The following TRIM55 variants were observed in gnomAD, a reference collection of about 807,000 sequenced individuals.
The protein encoded by TRIM55 is tripartite motif containing 55.
Under a neutral mutation model 60.9 loss-of-function variants are expected in TRIM55, and 50 were observed. That is an observed-to-expected ratio of 0.82 (90% confidence interval 0.65 to 1.04). TRIM55 has a LOEUF of 1.04. Among genes scored for constraint, TRIM55 ranks in the 50% least tolerant of loss-of-function variants. The pLI is 0.00. For missense variants in TRIM55, 681 were observed against 666.9 expected (o/e 1.02, Z -0.23); for synonymous variants, 237 against 238.1 (o/e 1.00, Z 0.04).
intron 9 of TRIM55, 143 bp downstream of exon 9, chr8:66,154,477 C>T (rs1810630979): frequency 1.1e-6 from 1 of 903,140 alleles, no homozygotes; most frequent in Non-Finnish European, 1.7e-6. Flanking sequence ...AATTCATCCC[C>T]CAATGTTGGC....
chr8:66,133,913 A>G (rs1309429594), intron 2 of TRIM55, among the ~76,000 whole-genome samples: 6 of 152,170 alleles, frequency 3.9e-5, no homozygotes, highest in East Asian at 1.9e-4. Flanking sequence ...ACACACACAT[A>G]TGTATATACA....
chr8:66,113,971 G>A, the TRIM55 span, among the ~76,000 whole-genome samples: 1,779 of 152,042 alleles, frequency 0.012, 31 homozygotes, highest in African/African-American at 0.039. Flanking sequence ...GCGGCACCCG[G>A]GAAGCTGTGC....
chr8:66,165,882 G>A (rs758246189), intron 9 of TRIM55, among the ~76,000 whole-genome samples: 13 of 152,042 alleles, frequency 8.6e-5, no homozygotes, highest in Non-Finnish European at 1.8e-4. Flanking sequence ...AAGTTTGAAT[G>A]AGACCTTTAC....
intron 1 of TRIM55, 31 bp from the exon 2 acceptor site, chr8:66,128,273 C>T (rs374101872): frequency 6.4e-7 from 1 of 1,551,670 alleles, no homozygotes; most frequent in South Asian, 1.2e-5. Context: ...TGGCATTACC[C>T]AATTCCTTTT....
chr8:66,126,985 T>C (rs1808843461), upstream of TRIM55: 1 of 307,302 alleles, frequency 3.3e-6, no homozygotes, highest in South Asian at 7.1e-5. Context: ...CCCACTCTCT[T>C]CACTCCCTGG....
At chr8:66,174,221 T>C (rs1811795348) in intron 9 of TRIM55, among the ~76,000 whole-genome samples, 1 of 151,776 alleles carries the variant, frequency 6.6e-6, no homozygotes, top group Non-Finnish European at 1.5e-5. Flanking sequence ...CAAGAACTTC[T>C]CTCCACTGCA....
intron 4 of TRIM55, among the ~76,000 whole-genome samples, chr8:66,140,900 C>T (rs1586193319): frequency 6.6e-6 from 1 of 152,278 alleles, no homozygotes; most frequent in African/African-American, 2.4e-5. Context: ...ATTCTCTTTT[C>T]TGATTGGTGA....
At chr8:66,159,068 T>A (rs1294072993) in intron 9 of TRIM55, among the ~76,000 whole-genome samples, 1 of 152,246 alleles carries the variant, frequency 6.6e-6, no homozygotes, top group Non-Finnish European at 1.5e-5. Flanking sequence ...AATTTACCCA[T>A]TTTAAGTGTA....
the TRIM55 span, among the ~76,000 whole-genome samples, chr8:66,114,313 G>A: frequency 6.6e-6 from 1 of 152,086 alleles, no homozygotes; most frequent in African/African-American, 2.4e-5. Flanking sequence ...GCCCAAACTA[G>A]AGCTGAAAAG....
At chr8:66,135,912 C>G (rs2128974901) in intron 3 of TRIM55, among the ~76,000 whole-genome samples, 1 of 152,240 alleles carries the variant, frequency 6.6e-6, no homozygotes, top group Non-Finnish European at 1.5e-5. Context: ...ATAGGTGCAG[C>G]CACTCCAGGC....
upstream of TRIM55, among the ~76,000 whole-genome samples, chr8:66,123,566 AAGAG>A (rs1214247592): frequency 6.6e-6 from 1 of 152,236 alleles, no homozygotes; most frequent in Non-Finnish European, 1.5e-5. Context: ...GAGAAAAAAA[AAGAG>A]AGAGAAAGGA....
At chr8:66,155,782 C>A in intron 9 of TRIM55, 1 of 1,062,460 alleles carries the variant, frequency 9.4e-7, no homozygotes. Context: ...CTTCTATAGG[C>A]CCAGAGATTA....
chr8:66,137,884 A>G (rs1182224462), intron 4 of TRIM55, among the ~76,000 whole-genome samples: 2 of 152,240 alleles, frequency 1.3e-5, no homozygotes, highest in East Asian at 1.9e-4. Flanking sequence ...AATATAAAGT[A>G]TGTCATTACC....
chr8:66,125,584 G>T (rs1808789174), upstream of TRIM55, among the ~76,000 whole-genome samples: 1 of 152,252 alleles, frequency 6.6e-6, no homozygotes, highest in South Asian at 2.1e-4. Context: ...CATAGCCCAT[G>T]AATTGATAAA....
At chr8:66,144,553 C>T (rs1563374245) in intron 4 of TRIM55, among the ~76,000 whole-genome samples, 1 of 152,184 alleles carries the variant, frequency 6.6e-6, no homozygotes, top group East Asian at 1.9e-4. Context: ...ACTTGCTAAG[C>T]ACACTCACAC....
At chr8:66,114,853 G>A in the TRIM55 span, 3 of 321,592 alleles carry the variant, frequency 9.3e-6, no homozygotes, top group East Asian at 2.3e-4. Flanking sequence ...TCCTGTGGAA[G>A]TTAACTGTGG....
At chr8:66,115,059 C>T in the TRIM55 span, 1 of 153,906 alleles carries the variant, frequency 6.5e-6, no homozygotes, top group East Asian at 1.9e-4. Flanking sequence ...ATAAAATCTC[C>T]CTATCCTAAT....
intron 4 of TRIM55, among the ~76,000 whole-genome samples, chr8:66,144,376 A>G (rs1459648373): frequency 1.3e-5 from 2 of 152,194 alleles, no homozygotes; most frequent in African/African-American, 4.8e-5. Context: ...GATGAATTTT[A>G]TTTTCATTAA....
chr8:66,170,076 A>G (rs1261920395), intron 9 of TRIM55, among the ~76,000 whole-genome samples: 9 of 152,322 alleles, frequency 5.9e-5, no homozygotes, highest in Non-Finnish European at 1.3e-4. Context: ...GTTAGTATAA[A>G]CAGTATAACA....
Sources: gnomAD v4.1 joint callset for allele counts (sites outside exome capture counted in the v4.1 genomes callset) on GRCh38, gnomAD v4.1.1 for gene constraint, MANE v1.5 for transcripts, NCBI Gene and HGNC (gene_info 2026-07-23, HGNC 2026-07-21) for gene names.